HS3ST4: variants seen among roughly 807,000 people sequenced by gnomAD.
The protein encoded by HS3ST4 is heparan sulfate glucosamine 3-O-sulfotransferase 4.
In HS3ST4, 17 loss-of-function variants were observed where a neutral mutation model predicts 29.2. The observed-to-expected ratio is 0.58, with a 90% confidence interval of 0.40 to 0.87. The LOEUF (loss-of-function observed/expected upper bound fraction) is 0.87, where lower values mean the gene tolerates loss of function less well. Among genes scored for constraint, HS3ST4 ranks in the 40% least tolerant of loss-of-function variants. HS3ST4 has a pLI of 0.00. For synonymous variants in HS3ST4, 314 were observed against 285.7 expected (o/e 1.10, Z -1.00); for missense variants, 627 against 634.5 (o/e 0.99, Z 0.13).
At chr16:25,818,009 C>T (rs1488507020) in intron 1 of HS3ST4, among the ~76,000 whole-genome samples, 2 of 152,194 alleles carry the variant, frequency 1.3e-5, no homozygotes, top group Admixed American at 6.5e-5. Flanking sequence ...TGTCTTGACA[C>T]CACTGTCTCG....
intron 1 of HS3ST4, among the ~76,000 whole-genome samples, chr16:25,973,074 A>C (rs1440735736): frequency 2.0e-5 from 3 of 152,178 alleles, no homozygotes; most frequent in Non-Finnish European, 2.9e-5. Flanking sequence ...CTCCCTATGC[A>C]CTGGGGGATG....
chr16:26,105,998 C>T (rs535295531), intron 1 of HS3ST4, among the ~76,000 whole-genome samples: 1 of 152,164 alleles, frequency 6.6e-6, no homozygotes, highest in South Asian at 2.1e-4. Context: ...AGGGGAAGAA[C>T]AGAAAAATAA....
At chr16:25,726,627 A>G (rs1045620394) in intron 1 of HS3ST4, among the ~76,000 whole-genome samples, 2 of 67,644 alleles carry the variant, frequency 3.0e-5, no homozygotes, top group African/African-American at 7.1e-5. Context: ...CTTTGTCTGG[A>G]TATGCCCTTG....
At chr16:25,993,949 CGTGTGT>C (rs56226178) in intron 1 of HS3ST4, among the ~76,000 whole-genome samples, 8,430 of 121,110 alleles carry the variant, frequency 0.07, 325 homozygotes, top group East Asian at 0.097. Context: ...CACATAACCT[CGTGTGT>C]GTGTGTGTGT....
intron 1 of HS3ST4, among the ~76,000 whole-genome samples, chr16:26,115,721 C>T (rs1899194040): frequency 6.6e-6 from 1 of 152,016 alleles, no homozygotes. Context: ...CAAATATATG[C>T]TGAGCTCTGG....
intron 1 of HS3ST4, among the ~76,000 whole-genome samples, chr16:25,873,808 C>T (rs1409969019): frequency 6.6e-6 from 1 of 152,090 alleles, no homozygotes; most frequent in Non-Finnish European, 1.5e-5. Context: ...ATCTACCCAC[C>T]TATTCTTCCA....
At chr16:26,015,080 G>A (rs1969350782) in intron 1 of HS3ST4, among the ~76,000 whole-genome samples, 1 of 152,212 alleles carries the variant, frequency 6.6e-6, no homozygotes, top group Non-Finnish European at 1.5e-5. Flanking sequence ...CGTATTTGGA[G>A]TTAGCCAAGC....
intron 1 of HS3ST4, among the ~76,000 whole-genome samples, chr16:26,131,176 GC>G (rs1350588155): frequency 6.6e-6 from 1 of 151,902 alleles, no homozygotes; most frequent in African/African-American, 2.4e-5. Flanking sequence ...CTACACCCAG[GC>G]CCCCCACCAT....
intron 1 of HS3ST4, among the ~76,000 whole-genome samples, chr16:26,093,686 A>G (rs944999397): frequency 6.6e-6 from 1 of 152,236 alleles, no homozygotes; most frequent in Non-Finnish European, 1.5e-5. Flanking sequence ...GAAAATTCTA[A>G]AAATCGAGCA....
intron 1 of HS3ST4, among the ~76,000 whole-genome samples, chr16:25,943,755 T>A (rs1360021887): frequency 1.3e-5 from 2 of 152,130 alleles, no homozygotes; most frequent in African/African-American, 4.8e-5. Context: ...CATTTTACAA[T>A]TTTCCAAGGG....
intron 1 of HS3ST4, among the ~76,000 whole-genome samples, chr16:26,012,634 T>C (rs1364875278): frequency 6.6e-6 from 1 of 152,202 alleles, no homozygotes; most frequent in African/African-American, 2.4e-5. Flanking sequence ...GTTTCAAGGC[T>C]TAAAATAGTG....
chr16:26,128,239 C>G (rs1459846772), intron 1 of HS3ST4, among the ~76,000 whole-genome samples: 1 of 152,192 alleles, frequency 6.6e-6, no homozygotes, highest in African/African-American at 2.4e-5. Context: ...ATATACAGAC[C>G]TTTCCTCCAA....
At chr16:26,123,461 T>C (rs562752445) in intron 1 of HS3ST4, among the ~76,000 whole-genome samples, 106 of 152,366 alleles carry the variant, frequency 7.0e-4, no homozygotes, top group Middle Eastern at 3.4e-3. Flanking sequence ...CTTTGACCAC[T>C]GTGAGTCCTA....
At chr16:26,012,536 A>G (rs1969320153) in intron 1 of HS3ST4, among the ~76,000 whole-genome samples, 2 of 152,222 alleles carry the variant, frequency 1.3e-5, no homozygotes, top group Admixed American at 6.5e-5. Context: ...GTCCAGATAT[A>G]TCAGCAATAA....
At chr16:25,935,847 C>T (rs937303582) in intron 1 of HS3ST4, among the ~76,000 whole-genome samples, 6 of 151,972 alleles carry the variant, frequency 3.9e-5, no homozygotes, top group Admixed American at 2.0e-4. Flanking sequence ...AAATCTCCCA[C>T]GTTAAAAAAA....
At chr16:26,040,501 C>T (rs1969627923) in intron 1 of HS3ST4, among the ~76,000 whole-genome samples, 1 of 151,980 alleles carries the variant, frequency 6.6e-6, no homozygotes, top group African/African-American at 2.4e-5. Context: ...GATGGGGTTT[C>T]ATCATGTTGG....
intron 1 of HS3ST4, among the ~76,000 whole-genome samples, chr16:25,837,103 T>G (rs1182971842): frequency 6.6e-6 from 1 of 152,236 alleles, no homozygotes; most frequent in Non-Finnish European, 1.5e-5. Context: ...CCAATGGAGT[T>G]AGGCGATGGC....
intron 1 of HS3ST4, among the ~76,000 whole-genome samples, chr16:25,895,219 G>C (rs1410129915): frequency 6.6e-6 from 1 of 152,066 alleles, no homozygotes; most frequent in Non-Finnish European, 1.5e-5. Flanking sequence ...TGCCTACAAA[G>C]GCCCTAAGAC....
chr16:25,699,096 T>G (rs1201071140), intron 1 of HS3ST4, among the ~76,000 whole-genome samples: 1 of 152,222 alleles, frequency 6.6e-6, no homozygotes, highest in East Asian at 1.9e-4. Context: ...GCCAACATTG[T>G]GGGACAAACA....
Sources: gnomAD v4.1 joint callset for allele counts (sites outside exome capture counted in the v4.1 genomes callset) on GRCh38, gnomAD v4.1.1 for gene constraint, MANE v1.5 for transcripts, NCBI Gene and HGNC (gene_info 2026-07-23, HGNC 2026-07-21) for gene names.